The following EXOC6B variants were observed in gnomAD, a reference collection of about 807,000 sequenced individuals.
The protein encoded by EXOC6B is exocyst complex component 6B.
Under a neutral mutation model 113.5 loss-of-function variants are expected in EXOC6B, and 54 were observed. The observed-to-expected ratio is 0.48, with a 90% CI of 0.38 to 0.60. The LOEUF is 0.60. EXOC6B is among the 20% of genes least tolerant of loss of function. EXOC6B has a pLI of 0.00. For synonymous variants in EXOC6B, 357 were observed against 339.0 expected, an observed-to-expected ratio of 1.05 and a Z score of -0.58; for missense variants, 797 against 977.5, an observed-to-expected ratio of 0.82 and a Z score of 2.46.
At chr2:72,783,730 C>T (rs1048684471) in intron 1 of EXOC6B, among the ~76,000 whole-genome samples, 9 of 152,030 alleles carry the variant, frequency 5.9e-5, no homozygotes, top group African/African-American at 1.2e-4. Context: ...TTGGATTCTT[C>T]GTATAGTCTG....
At chr2:72,428,779 T>C (rs1447405765) in intron 18 of EXOC6B, among the ~76,000 whole-genome samples, 1 of 152,242 alleles carries the variant, frequency 6.6e-6, no homozygotes, top group East Asian at 1.9e-4. Flanking sequence ...ATAAGTGGAA[T>C]GGAGCCAAGG....
chr2:72,603,263 G>A (rs761348347), intron 6 of EXOC6B, among the ~76,000 whole-genome samples: 9 of 151,806 alleles, frequency 5.9e-5, no homozygotes, highest in Non-Finnish European at 1.0e-4. Flanking sequence ...TTTTTTCCAG[G>A]GAGACAAGGT....
rs112978828 is a variant in EXOC6B at position 72,636,517 on chromosome 2, GGAA to G, written c.670-60852_670-60850del. The stretch of plus-strand genomic sequence containing the variant: ...AGGAGGAGGAGGAGGAGAGAAAGAA[GGAA>G]GAAGAAGAGGCAGCGGCGGCAGCAG... On this transcript the variant is annotated intron_variant, in intron 6 of 21. Transcript: ENST00000272427. Among the ~76,000 whole-genome samples the G allele has an allele frequency of 1.2e-3, 174 of 151,080 alleles. 1 individual carries two copies. The highest frequency in any genetic ancestry group is 6.8e-3 in the Middle Eastern group (2 of 294).
chr2:72,202,977 C>T (rs1356143088), intron 20 of EXOC6B, among the ~76,000 whole-genome samples: 2 of 152,338 alleles, frequency 1.3e-5, no homozygotes, highest in African/African-American at 2.4e-5. Flanking sequence ...GGCCAGTTCA[C>T]GACGTTCATC....
At chr2:72,412,921 T>C (rs952613559) in intron 18 of EXOC6B, among the ~76,000 whole-genome samples, 2 of 152,004 alleles carry the variant, frequency 1.3e-5, no homozygotes, top group Admixed American at 6.6e-5. Context: ...CTTCCTTTCC[T>C]TTCCTTCCTT....
At chr2:72,475,067 A>C (rs1698650159) in intron 17 of EXOC6B, among the ~76,000 whole-genome samples, 1 of 152,162 alleles carries the variant, frequency 6.6e-6, no homozygotes, top group African/African-American at 2.4e-5. Context: ...TGCAATTATT[A>C]AATGAGGCTG....
intron 7 of EXOC6B, among the ~76,000 whole-genome samples, chr2:72,562,654 T>C (rs1703950026): frequency 6.6e-6 from 1 of 152,146 alleles, no homozygotes; most frequent in South Asian, 2.1e-4. Flanking sequence ...ATGTCCAAAT[T>C]TGACAAATCA....
At chr2:72,752,404 G>A (rs1682108457) in intron 1 of EXOC6B, among the ~76,000 whole-genome samples, 1 of 151,886 alleles carries the variant, frequency 6.6e-6, no homozygotes, top group South Asian at 2.1e-4. Flanking sequence ...TTTGGTGGGG[G>A]GAAGCTGATT....
chr2:72,582,534 A>G (rs1705288946), intron 6 of EXOC6B, among the ~76,000 whole-genome samples: 1 of 94,262 alleles, frequency 1.1e-5, no homozygotes, highest in Non-Finnish European at 2.7e-5. Flanking sequence ...GAAAAGAAGT[A>G]CAGAATTTTT....
intron 1 of EXOC6B, among the ~76,000 whole-genome samples, chr2:72,798,831 T>C (rs1685120963): frequency 6.6e-6 from 1 of 152,174 alleles, no homozygotes; most frequent in Non-Finnish European, 1.5e-5. Context: ...AATAAAAGCC[T>C]GTGCAACTGG....
chr2:72,650,126 C>T (rs1455239838), intron 6 of EXOC6B, among the ~76,000 whole-genome samples: 1 of 152,144 alleles, frequency 6.6e-6, no homozygotes, highest in Non-Finnish European at 1.5e-5. Context: ...GGGGTGTGAA[C>T]CCTATTGTGA....
Position 72,825,979 on chromosome 2 carries a change from C to A in EXOC6B, c.-69G>T. 2.5e-6 allele frequency: 4 copies of A among 1,572,732 alleles called. No individual in the cohort carries two copies. In the South Asian group the frequency reaches 3.4e-5, roughly 13 times the overall value. On this transcript the variant is annotated 5_prime_UTR_variant, in exon 1 of 22. Transcript: ENST00000272427. The surrounding 1 kb of genome is among the most constrained non-coding windows in gnomAD (Gnocchi z 4.4). ...TCACCTTTTCCCTGCCCCACAATGC[C>A]GCTCCCACCACAGGCTCCACAGCCG...
chr2:72,594,436 A>G (rs774780203), intron 6 of EXOC6B, among the ~76,000 whole-genome samples: 3 of 152,226 alleles, frequency 2.0e-5, no homozygotes, highest in Non-Finnish European at 4.4e-5. Context: ...AAGGCAAATG[A>G]GCACAGTGCT....
intron 1 of EXOC6B, among the ~76,000 whole-genome samples, chr2:72,799,253 A>C (rs1437143037): frequency 6.7e-6 from 1 of 150,326 alleles, no homozygotes; most frequent in Non-Finnish European, 1.5e-5. Flanking sequence ...AAAAAAAAAA[A>C]AAAAAAAACA....
intron 1 of EXOC6B, among the ~76,000 whole-genome samples, chr2:72,755,097 T>A (rs1302546514): frequency 6.6e-6 from 1 of 152,162 alleles, no homozygotes; most frequent in Non-Finnish European, 1.5e-5. Context: ...TGACACTGTA[T>A]AAATTTGAAC....
At chr2:72,391,393 T>A (rs1692369745) in intron 18 of EXOC6B, among the ~76,000 whole-genome samples, 1 of 152,104 alleles carries the variant, frequency 6.6e-6, no homozygotes, top group South Asian at 2.1e-4. Context: ...CCTTCATCAT[T>A]TTTATACGAA....
intron 8 of EXOC6B, among the ~76,000 whole-genome samples, chr2:72,517,953 G>A (rs1701298872): frequency 1.3e-5 from 2 of 152,104 alleles, no homozygotes; most frequent in African/African-American, 4.8e-5. Flanking sequence ...TATCTAATAG[G>A]TCTGGCTTCC....
At chr2:72,233,036 C>T (rs1681728824) in intron 20 of EXOC6B, among the ~76,000 whole-genome samples, 1 of 151,034 alleles carries the variant, frequency 6.6e-6, no homozygotes, top group Non-Finnish European at 1.5e-5. Context: ...CATGCCACTG[C>T]ACCCCAGCCT....
intron 6 of EXOC6B, among the ~76,000 whole-genome samples, chr2:72,580,205 G>A (rs1005630769): frequency 1.4e-5 from 2 of 145,248 alleles, no homozygotes; most frequent in Admixed American, 6.9e-5. Flanking sequence ...GCAGTGGCGC[G>A]ATATCGGCTC....
Sources: gnomAD v4.1 joint callset for allele counts (sites outside exome capture counted in the v4.1 genomes callset) on GRCh38, gnomAD v4.1.1 for gene constraint, Gnocchi (gnomAD v3.1) non-coding constraint, MANE v1.5 for transcripts, NCBI Gene and HGNC (gene_info 2026-07-23, HGNC 2026-07-21) for gene names.